The following BRD7 variants were observed in gnomAD, a reference collection of about 807,000 sequenced individuals.
The protein encoded by BRD7 is bromodomain-containing protein 7.
A neutral mutation model predicts 82.1 loss-of-function variants in BRD7; 15 were observed. That is an observed-to-expected ratio of 0.18 (90% CI 0.12 to 0.28). The LOEUF is 0.28. BRD7 is among the 10% of genes least tolerant of loss of function. BRD7 has a pLI of 1.00. For missense variants in BRD7, 638 were observed against 779.9 expected (o/e 0.82, Z 2.17); for synonymous variants, 232 against 266.9 (o/e 0.87, Z 1.27).
At chr16:50,338,648 CTTGTGGTTCTT>C (rs2037918416) in intron 6 of BRD7, among the ~76,000 whole-genome samples, 1 of 152,154 alleles carries the variant, frequency 6.6e-6, no homozygotes, top group Non-Finnish European at 1.5e-5. Flanking sequence ...CCTGTCCTAT[CTTGTGGTTCTT>C]TTTCATAGTA....
chr16:50,341,199 C>CAT (rs1249469084), intron 5 of BRD7, among the ~76,000 whole-genome samples: 1 of 90,848 alleles, frequency 1.1e-5, no homozygotes, highest in Non-Finnish European at 2.1e-5. Context: ...CACACACACA[C>CAT]ACACACACAC....
intron 5 of BRD7, among the ~76,000 whole-genome samples, chr16:50,347,045 CA>C (rs1488812927): frequency 6.6e-6 from 1 of 152,196 alleles, no homozygotes; most frequent in Non-Finnish European, 1.5e-5. Flanking sequence ...AGCAGCACAT[CA>C]AAAAGCTTAT....
At chr16:50,367,624 TCTGACCAAATTTTCTCAACACACTACAA>T (rs1250869653) in intron 2 of BRD7, among the ~76,000 whole-genome samples, 1 of 152,242 alleles carries the variant, frequency 6.6e-6, no homozygotes, top group Non-Finnish European at 1.5e-5. Context: ...ATTACAGGTT[TCTGACCAAATTTTCTCAACACACTACAA>T]CACTGTTTTA....
At chr16:50,329,843 C>T (rs2037485522) in intron 8 of BRD7, among the ~76,000 whole-genome samples, 1 of 152,202 alleles carries the variant, frequency 6.6e-6, no homozygotes, top group Non-Finnish European at 1.5e-5. Flanking sequence ...CAAATGTCGG[C>T]TCAGTTAAAA....
intron 5 of BRD7, among the ~76,000 whole-genome samples, chr16:50,346,067 G>A (rs1195303050): frequency 1.4e-4 from 21 of 152,114 alleles, no homozygotes; most frequent in Admixed American, 1.4e-3. Flanking sequence ...ATAACAAACT[G>A]TCTCTCAGAC....
chr16:50,343,809 C>A (rs969480310), intron 5 of BRD7, among the ~76,000 whole-genome samples: 1 of 152,202 alleles, frequency 6.6e-6, no homozygotes, highest in Non-Finnish European at 1.5e-5. Context: ...CCGGGAAGCT[C>A]GAACTGGGTG....
chr16:50,351,798 A>C lies in BRD7; in HGVS notation c.447-1631T>G, dbSNP rs911291456. ...GTGATGTTTCGACACATATATACTA[A>C]CATACATATATACAAGGATACTTCG... On this transcript the variant is annotated intron_variant, in intron 4 of 16. Transcript: ENST00000394688. Among the ~76,000 whole-genome samples, 8 of 152,234 alleles carry C rather than the reference A, an allele frequency of 5.3e-5. No homozygotes were observed. In the South Asian group the frequency reaches 1.7e-3, roughly 32 times the overall value.
chr16:50,328,789 A>G (rs749424591), intron 8 of BRD7, 45 bp from the exon 9 acceptor site: 128 of 1,559,150 alleles, frequency 8.2e-5, no homozygotes, highest in Non-Finnish European at 8.6e-5. Context: ...TGTTTTATAC[A>G]AACAGGCTGA....
chr16:50,319,199 T>C lies in BRD7; in HGVS notation c.*12A>G. ...AGTATGTACATAATATATAATCAAA[T>C]ACCAGGCAGCCTCAACTTCCACCAG... On this transcript the variant is annotated 3_prime_UTR_variant, in exon 17 of 17. Coordinates refer to ENST00000394688, the MANE Select transcript of BRD7 (RefSeq NM_013263.5). 6.2e-7 allele frequency: 1 copy of C among 1,606,346 alleles called. No homozygotes were observed. The highest frequency in any genetic ancestry group is 8.5e-7 in the Non-Finnish European group (1 of 1,174,082).
intron 6 of BRD7, among the ~76,000 whole-genome samples, chr16:50,338,874 A>G (rs1162464974): frequency 6.6e-6 from 1 of 152,188 alleles, no homozygotes; most frequent in Non-Finnish European, 1.5e-5. Flanking sequence ...TGGTGCCAGG[A>G]TCACCCTTGA....
chr16:50,349,985 T>C, intron 5 of BRD7, 38 bp downstream of exon 5: 1 of 1,472,468 alleles, frequency 6.8e-7, no homozygotes. Flanking sequence ...CATGCAGATT[T>C]CTACCAAGAT....
chr16:50,354,735 T>C (rs1322876436), intron 3 of BRD7, 58 bp downstream of exon 3: 9 of 1,558,556 alleles, frequency 5.8e-6, no homozygotes, highest in Non-Finnish European at 7.8e-6. Context: ...ACCATTTTCC[T>C]GAGCTATAAT....
intron 11 of BRD7, among the ~76,000 whole-genome samples, chr16:50,324,739 CCTT>C (rs756930541): frequency 1.3e-5 from 2 of 152,366 alleles, no homozygotes; most frequent in South Asian, 4.1e-4. Flanking sequence ...ACTACTCTCT[CCTT>C]CTCTGCTGCT....
chr16:50,320,144 G>C (rs545410320), intron 15 of BRD7, 104 bp downstream of exon 15: 1 of 1,521,824 alleles, frequency 6.6e-7, no homozygotes, highest in Non-Finnish European at 8.8e-7. Context: ...AACTGTCCCT[G>C]GGATTCACAT....
chr16:50,320,262 C>T lies in BRD7; in HGVS notation c.1742G>A (p.Arg581Lys), dbSNP rs767793622. ...GCAAAACATACCAAGATGCATTTCT[C>T]TGTATGAGGGACCCAAGAGACAGAT... ...NMICLLGPSYREMHLAEQVTN... is the reference protein window; with the variant it reads ...NMICLLGPSYKEMHLAEQVTN... Residue 581 changes from arginine to lysine, a missense_variant, in exon 15 of 17, where the codon AGA becomes AAA. Transcript: ENST00000394688. 2.5e-6 allele frequency: 4 copies of T among 1,612,690 alleles called. No homozygotes were observed. The highest frequency in any genetic ancestry group is 1.7e-5 in the Admixed American group (1 of 59,480).
At chr16:50,363,407 A>G (rs1253960362) in intron 2 of BRD7, among the ~76,000 whole-genome samples, 1 of 152,234 alleles carries the variant, frequency 6.6e-6, no homozygotes, top group Non-Finnish European at 1.5e-5. Flanking sequence ...CAGAATGTTT[A>G]AGGAATAAGA....
intron 8 of BRD7, among the ~76,000 whole-genome samples, chr16:50,330,991 A>T (rs1224302856): frequency 6.6e-6 from 1 of 152,314 alleles, no homozygotes; most frequent in East Asian, 1.9e-4. Flanking sequence ...GTAAAGATAC[A>T]ATATCAATTT....
chr16:50,354,434 T>C lies in BRD7; in HGVS notation c.437A>G (p.Gln146Arg). ...LQEALNQLMR[Q>R]LQRKDPSAFF... ...TTGGAAAAACATTTACCTCTGCAATTGTCTCATCAGTTGATTCAAAGCTTC... is the reference window on the plus strand; with the variant it reads ...TTGGAAAAACATTTACCTCTGCAATCGTCTCATCAGTTGATTCAAAGCTTC... Residue 146 changes from glutamine to arginine, a missense_variant, in exon 4 of 17, where the codon CAA (glutamine) becomes CGA (arginine). Gln to Arg is a conservative substitution (Grantham distance 43). Around this residue, in one of 3 missense-constraint regions of BRD7, gnomAD observed 64 missense variants for 123.8 expected, o/e 0.52. Coordinates refer to ENST00000394688, the MANE Select transcript of BRD7 (RefSeq NM_013263.5). The C allele has an allele frequency of 1.2e-6, 2 of 1,611,780 alleles. No homozygotes were observed. The highest frequency in any genetic ancestry group is 1.3e-5 in the African/African-American group (1 of 75,020).
At chr16:50,333,731 A>AG (rs752298572) in intron 7 of BRD7, 34 bp from the exon 8 acceptor site, 2 of 1,455,160 alleles carry the variant, frequency 1.4e-6, no homozygotes, top group South Asian at 2.5e-5. Context: ...GTAAAAAAAA[A>AG]ACAAAGATAA....
Sources: gnomAD v4.1 joint callset for allele counts (sites outside exome capture counted in the v4.1 genomes callset) on GRCh38, gnomAD v4.1.1 for gene constraint, gnomAD v4.1.1 regional missense constraint, MANE v1.5 for transcripts, NCBI Gene and HGNC (gene_info 2026-07-23, HGNC 2026-07-21) for gene names.